The following NEGR1 variants were observed in gnomAD, a reference collection of about 807,000 sequenced individuals.
The protein encoded by NEGR1 is neuronal growth regulator 1, also known as IgLON family member 4.
A neutral mutation model predicts 40.9 loss-of-function variants in NEGR1; 10 were observed. The ratio of observed to expected loss-of-function variants is 0.24; its 90% confidence interval spans 0.15 to 0.42. NEGR1 has a LOEUF of 0.42. Among genes scored for constraint, NEGR1 ranks in the 10% least tolerant of loss-of-function variants. NEGR1 has a pLI of 1.00. For missense variants in NEGR1, 352 were observed against 438.9 expected, an observed-to-expected ratio of 0.80 and a Z score of 1.77; for synonymous variants, 185 against 166.8, an observed-to-expected ratio of 1.11 and a Z score of -0.84.
intron 1 of NEGR1, among the ~76,000 whole-genome samples, chr1:72,015,214 G>T (rs1429252965): frequency 6.6e-6 from 1 of 151,988 alleles, no homozygotes; most frequent in Non-Finnish European, 1.5e-5. Flanking sequence ...TTTCTTAGAA[G>T]AAACATACTG....
intron 3 of NEGR1, among the ~76,000 whole-genome samples, chr1:71,760,271 AG>A (rs1385012915): frequency 1.3e-5 from 2 of 152,164 alleles, no homozygotes; most frequent in Non-Finnish European, 2.9e-5. Flanking sequence ...TCATATCAAG[AG>A]GCCCATTGTT....
rs371875600 is a variant in NEGR1 at position 71,833,486 on chromosome 1, C to CTGGGGGGAAAAAAGTATTTTTA, written c.410-57211_410-57190dup. 3.0e-3 allele frequency among the ~76,000 whole-genome samples: 463 copies of CTGGGGGGAAAAAAGTATTTTTA among 152,084 alleles called. 2 individuals are homozygous for CTGGGGGGAAAAAAGTATTTTTA. Among genetic ancestry groups the CTGGGGGGAAAAAAGTATTTTTA allele is most frequent in the African/African-American group, 0.011 (447 of 41,510 alleles). ...AGAATTCTCTACAGAGAGAATCTTT[C>CTGGGGGGAAAAAAGTATTTTTA]TGGGGGGAAAAAAGTATTTTTATGA... On this transcript the variant is annotated intron_variant, in intron 2 of 6. Transcript: ENST00000357731.
At chr1:72,217,940 T>A (rs1299497398) in intron 1 of NEGR1, among the ~76,000 whole-genome samples, 1 of 151,868 alleles carries the variant, frequency 6.6e-6, no homozygotes, top group Admixed American at 6.6e-5. Flanking sequence ...ATAGACAAGA[T>A]AATATGTAGT....
chr1:71,701,283 T>C (rs937490043), intron 3 of NEGR1, among the ~76,000 whole-genome samples: 1 of 152,004 alleles, frequency 6.6e-6, no homozygotes, highest in Admixed American at 6.6e-5. Flanking sequence ...TTTCAGGTTG[T>C]AGGGAGAATT....
At chr1:72,246,262 G>A (rs781341036) in intron 1 of NEGR1, among the ~76,000 whole-genome samples, 4 of 151,918 alleles carry the variant, frequency 2.6e-5, no homozygotes, top group African/African-American at 7.3e-5. Flanking sequence ...CCAAATTATC[G>A]CCATTTATAT....
At position 72,207,639 on chromosome 1, in the gene NEGR1, C is replaced by T. The variant is rs1443827601; in HGVS notation, c.176+74680G>A. ...AACATTACAGATACATGGAGTCTAACAAAAGATTAATCTTTTGTTTGGGAA... is the reference window on the plus strand; with the variant it reads ...AACATTACAGATACATGGAGTCTAATAAAAGATTAATCTTTTGTTTGGGAA... On this transcript the variant is annotated intron_variant, in intron 1 of 6. Transcript: ENST00000357731. 5.9e-5 allele frequency among the ~76,000 whole-genome samples: 9 copies of T among 151,758 alleles called. No homozygotes were observed. The East Asian group carries it at 1.6e-3, about 26-fold the overall frequency.
chr1:71,609,210 C>A (rs1650161598), intron 5 of NEGR1, among the ~76,000 whole-genome samples: 1 of 151,552 alleles, frequency 6.6e-6, no homozygotes, highest in Non-Finnish European at 1.5e-5. Context: ...TAGGTAAAAC[C>A]AGTCAGAAGA....
intron 4 of NEGR1, among the ~76,000 whole-genome samples, chr1:71,660,581 A>C (rs1304567245): frequency 6.6e-6 from 1 of 152,206 alleles, no homozygotes; most frequent in Non-Finnish European, 1.5e-5. Flanking sequence ...CAATGTGTTC[A>C]CATAAGCTAG....
At chr1:72,085,619 G>A (rs971482113) in intron 1 of NEGR1, among the ~76,000 whole-genome samples, 4 of 151,982 alleles carry the variant, frequency 2.6e-5, no homozygotes, top group African/African-American at 9.7e-5. Flanking sequence ...ATGTAATCAG[G>A]AACTAAAATA....
In NEGR1 at chr1:72,022,097, T is replaced by G. The variant is rs3102904; in HGVS notation, c.177-86786A>C. On this transcript the variant is annotated intron_variant, in intron 1 of 6. Transcript: ENST00000357731. ...TTGCAGTGAGCCGAGATGGCGCCAC[T>G]GCACTCCAGCCTGGGTGACAGAGGG... Among the ~76,000 whole-genome samples, 1,490 of 151,862 alleles carry G rather than the reference T, an allele frequency of 9.8e-3. 24 individuals are homozygous for G. Among genetic ancestry groups the G allele is most frequent in the African/African-American group, 0.035 (1,429 of 41,416 alleles).
intron 1 of NEGR1, among the ~76,000 whole-genome samples, chr1:72,198,284 C>T (rs951016945): frequency 6.6e-6 from 1 of 151,976 alleles, no homozygotes; most frequent in Admixed American, 6.6e-5. Flanking sequence ...TACAAGAAGA[C>T]TATATGACTT....
At chr1:72,105,835 A>G (rs1016940635) in intron 1 of NEGR1, among the ~76,000 whole-genome samples, 3 of 152,084 alleles carry the variant, frequency 2.0e-5, no homozygotes, top group African/African-American at 7.2e-5. Flanking sequence ...AAGGTCTTTA[A>G]CTAACTTAGT....
At chr1:71,610,377 T>A (rs1650213866) in intron 5 of NEGR1, among the ~76,000 whole-genome samples, 1 of 152,152 alleles carries the variant, frequency 6.6e-6, no homozygotes, top group African/African-American at 2.4e-5. Flanking sequence ...GCCTACTGGT[T>A]GAAAGTAAAG....
chr1:71,910,532 G>C (rs193239641), intron 2 of NEGR1, among the ~76,000 whole-genome samples: 5 of 152,176 alleles, frequency 3.3e-5, no homozygotes, highest in African/African-American at 1.2e-4. Context: ...CAGATAATTT[G>C]ACTTGAAAAT....
In NEGR1 at chr1:71,732,342, CA is replaced by C. The variant is rs879804356; in HGVS notation, c.536-34204del. ...TCTAAAACAAACAAACAAACAACAA[CA>C]AAAAAACCCCATACATTTCACAAGT... On this transcript the variant is annotated intron_variant, in intron 3 of 6. Coordinates refer to ENST00000357731, the MANE Select transcript of NEGR1 (RefSeq NM_173808.3). 3.9e-5 allele frequency among the ~76,000 whole-genome samples: 6 copies of C among 151,908 alleles called. 1 individual carries two copies. In the South Asian group the frequency reaches 1.2e-3, roughly 32 times the overall value.
chr1:71,487,401 C>T (rs1569935077), intron 6 of NEGR1, among the ~76,000 whole-genome samples: 1 of 151,652 alleles, frequency 6.6e-6, no homozygotes, highest in African/African-American at 2.4e-5. Flanking sequence ...GTACTTTGTT[C>T]TCTGAACCCT....
intron 1 of NEGR1, among the ~76,000 whole-genome samples, chr1:72,023,651 A>G (rs919939417): frequency 7.9e-6 from 1 of 126,856 alleles, no homozygotes; most frequent in Non-Finnish European, 1.7e-5. Context: ...ACATTTTAGT[A>G]AAAAAAAAAC....
chr1:71,942,679 T>C (rs1645977331), intron 1 of NEGR1, among the ~76,000 whole-genome samples: 1 of 138,274 alleles, frequency 7.2e-6, no homozygotes, highest in Non-Finnish European at 1.6e-5. Flanking sequence ...TTTTTTTGTA[T>C]TTTTAGTAGA....
At chr1:71,456,679 C>T (rs543138796) in intron 6 of NEGR1, among the ~76,000 whole-genome samples, 12 of 152,244 alleles carry the variant, frequency 7.9e-5, no homozygotes, top group African/African-American at 2.4e-4. Context: ...AAAGTTCAGA[C>T]GCAAAGAAAA....
Sources: gnomAD v4.1 joint callset for allele counts (sites outside exome capture counted in the v4.1 genomes callset) on GRCh38, gnomAD v4.1.1 for gene constraint, MANE v1.5 for transcripts, NCBI Gene and HGNC (gene_info 2026-07-23, HGNC 2026-07-21) for gene names.